Variants in PFKFB3 observed in about 807,000 individuals in gnomAD.
PFKFB3 encodes the protein 6-phosphofructo-2-kinase/fructose-2,6-bisphosphatase 3.
PFKFB3 carries 33 observed loss-of-function variants against 68.0 expected under a neutral mutation model. The observed-to-expected ratio is 0.49, with a 90% CI of 0.37 to 0.65. PFKFB3 has a LOEUF of 0.65. Among genes scored for constraint, PFKFB3 ranks in the 30% least tolerant of loss-of-function variants. The pLI, the probability that PFKFB3 is intolerant of heterozygous loss-of-function variation, is 0.00. For synonymous variants in PFKFB3, 315 were observed against 288.2 expected, an observed-to-expected ratio of 1.09 and a Z score of -0.94; for missense variants, 586 against 712.2, an observed-to-expected ratio of 0.82 and a Z score of 2.02.
intron 11 of PFKFB3, among the ~76,000 whole-genome samples, chr10:6,223,619 CAT>C (rs1280370104): frequency 6.6e-6 from 1 of 152,202 alleles, no homozygotes; most frequent in Non-Finnish European, 1.5e-5. Flanking sequence ...CCCCCACCCT[CAT>C]GTCTCATTTC....
intron 2 of PFKFB3, among the ~76,000 whole-genome samples, chr10:6,214,211 C>T (rs1250445498): frequency 6.6e-6 from 1 of 152,200 alleles, no homozygotes; most frequent in Non-Finnish European, 1.5e-5. Context: ...TGAGCTCCGC[C>T]TCCAGTCTGA....
At chr10:6,222,732 C>T in intron 10 of PFKFB3, 123 bp from the exon 11 acceptor site, 4 of 1,088,382 alleles carry the variant, frequency 3.7e-6, no homozygotes, top group Non-Finnish European at 5.1e-6. Context: ...CCTTCTCAAC[C>T]ACTGCTGATG....
intron 1 of PFKFB3, among the ~76,000 whole-genome samples, chr10:6,159,672 A>G (rs1301536629): frequency 6.6e-6 from 1 of 151,564 alleles, no homozygotes; most frequent in East Asian, 1.9e-4. Context: ...AGCCTGGGCA[A>G]CAAGAGTGAA....
chr10:6,168,455 G>C (rs1245719414), intron 1 of PFKFB3, among the ~76,000 whole-genome samples: 1 of 152,216 alleles, frequency 6.6e-6, no homozygotes, highest in Non-Finnish European at 1.5e-5. Context: ...CTGTGCTTCA[G>C]TTCCCTGATG....
At chr10:6,294,546 C>T in the PFKFB3 span, 218 of 176,160 alleles carry the variant, frequency 1.2e-3, no homozygotes, top group African/African-American at 4.8e-3. Flanking sequence ...TACCTCCCAC[C>T]GGGTCCCTCC....
intron 13 of PFKFB3, 75 bp downstream of exon 13, chr10:6,224,288 C>A: frequency 6.8e-7 from 1 of 1,475,900 alleles, no homozygotes; most frequent in Non-Finnish European, 9.4e-7. Context: ...GCTCAGGAGG[C>A]CCCGGGGCCG....
chr10:6,302,947 G>A, the PFKFB3 span, among the ~76,000 whole-genome samples: 1 of 152,094 alleles, frequency 6.6e-6, no homozygotes, highest in Admixed American at 6.6e-5. Flanking sequence ...TGCATAGAAA[G>A]GGCGCTCGAG....
chr10:6,324,065 C>T, the PFKFB3 span, among the ~76,000 whole-genome samples: 1 of 152,152 alleles, frequency 6.6e-6, no homozygotes, highest in Non-Finnish European at 1.5e-5. Context: ...AACCCAGTGT[C>T]CATGGATAGA....
intron 6 of PFKFB3, among the ~76,000 whole-genome samples, chr10:6,217,787 T>C (rs575191251): frequency 2.8e-4 from 42 of 152,316 alleles, no homozygotes; most frequent in African/African-American, 1.0e-3. Flanking sequence ...GCAATATATA[T>C]AAACAGGAAT....
intron 1 of PFKFB3, among the ~76,000 whole-genome samples, chr10:6,205,388 C>CTTTTTTT (rs3084014): frequency 7.3e-4 from 78 of 106,490 alleles, no homozygotes; most frequent in Admixed American, 1.1e-3. Flanking sequence ...TTCTTTCTTC[C>CTTTTTTT]TTTTTTTTTT....
At chr10:6,237,219 C>T (rs963612298), downstream of PFKFB3, among the ~76,000 whole-genome samples, 9 of 152,278 alleles carry the variant, frequency 5.9e-5, no homozygotes, top group Non-Finnish European at 1.0e-4. Flanking sequence ...GCACACCTTT[C>T]GCAGTGTGTG....
chr10:6,225,760 AGCGGAAG>A (rs1214322928), intron 13 of PFKFB3, among the ~76,000 whole-genome samples: 14 of 151,444 alleles, frequency 9.2e-5, no homozygotes, highest in African/African-American at 3.4e-4. Context: ...GCCTCGGGTC[AGCGGAAG>A]GGAGTCAGCA....
chr10:6,202,928 T>A (rs1280559951), upstream of PFKFB3: 2 of 1,207,228 alleles, frequency 1.7e-6, no homozygotes, highest in Non-Finnish European at 2.1e-6. Context: ...GCGCGGGGCA[T>A]CCCAGCCAAG....
At chr10:6,303,669 C>T in the PFKFB3 span, among the ~76,000 whole-genome samples, 2,395 of 151,730 alleles carry the variant, frequency 0.016, 62 homozygotes, top group African/African-American at 0.055. Context: ...AAAAATTAGC[C>T]GGGCGTGGTG....
chr10:6,230,989 T>C (rs1845701495), intron 14 of PFKFB3, among the ~76,000 whole-genome samples: 1 of 152,094 alleles, frequency 6.6e-6, no homozygotes, highest in African/African-American at 2.4e-5. Context: ...GTGCTGGGAT[T>C]ACAGATGTGA....
At chr10:6,293,098 T>C in the PFKFB3 span, 2 of 410,142 alleles carry the variant, frequency 4.9e-6, no homozygotes. Flanking sequence ...TGATGAATTT[T>C]AAACCCTCAG....
chr10:6,204,607 T>C (rs1237881681), intron 1 of PFKFB3, among the ~76,000 whole-genome samples: 1 of 152,212 alleles, frequency 6.6e-6, no homozygotes, highest in Non-Finnish European at 1.5e-5. Flanking sequence ...AGGAGAGGTC[T>C]TGTTCCCCCT....
At chr10:6,266,413 CT>C in the PFKFB3 span, among the ~76,000 whole-genome samples, 5 of 152,134 alleles carry the variant, frequency 3.3e-5, no homozygotes, top group East Asian at 9.6e-4. Flanking sequence ...CCAGGCTCAT[CT>C]TGTGCCTTCC....
chr10:6,292,265 ACTTTTTTTTTTT>A, the PFKFB3 span, among the ~76,000 whole-genome samples: 1,216 of 121,114 alleles, frequency 0.01, 16 homozygotes, highest in East Asian at 0.028. Flanking sequence ...AAACCAGTGT[ACTTTTTTTTTTT>A]CTTTTTTTTT....
Sources: gnomAD v4.1 joint callset for allele counts (sites outside exome capture counted in the v4.1 genomes callset) on GRCh38, gnomAD v4.1.1 for gene constraint, MANE v1.5 for transcripts, NCBI Gene and HGNC (gene_info 2026-07-23, HGNC 2026-07-21) for gene names.